The following SLC5A4 variants were observed in gnomAD, a reference collection of about 807,000 sequenced individuals.
SLC5A4 encodes the protein probable glucose sensor protein SLC5A4.
SLC5A4 carries 55 observed loss-of-function variants against 70.3 expected under a neutral mutation model. The ratio of observed to expected loss-of-function variants is 0.78; its 90% CI spans 0.63 to 0.98. The LOEUF (loss-of-function observed/expected upper bound fraction) is 0.98, where lower values mean the gene tolerates loss of function less well. SLC5A4 is among the 50% of genes least tolerant of loss of function. SLC5A4 has a pLI of 0.00. For missense variants in SLC5A4, 735 were observed against 839.2 expected, an observed-to-expected ratio of 0.88 and a Z score of 1.53; for synonymous variants, 268 against 305.7, an observed-to-expected ratio of 0.88 and a Z score of 1.29.
At chr22:32,298,180 C>CT in the SLC5A4 span, among the ~76,000 whole-genome samples, 1 of 147,110 alleles carries the variant, frequency 6.8e-6, no homozygotes, top group Non-Finnish European at 1.5e-5. Flanking sequence ...CCGCTTGGTG[C>CT]AGAGCTGAGT....
the SLC5A4 span, among the ~76,000 whole-genome samples, chr22:32,288,969 G>A: frequency 6.6e-6 from 1 of 151,826 alleles, no homozygotes; most frequent in East Asian, 1.9e-4. Context: ...TTTGTGTCTT[G>A]CTGTACTGCC....
intron 10 of SLC5A4, 121 bp from the exon 11 acceptor site, chr22:32,229,465 A>G: frequency 1.0e-6 from 1 of 970,534 alleles, no homozygotes; most frequent in Non-Finnish European, 1.5e-6. Flanking sequence ...CCTTATCAAT[A>G]CACATCAGCA....
At chr22:32,307,372 T>C in the SLC5A4 span, among the ~76,000 whole-genome samples, 1 of 152,172 alleles carries the variant, frequency 6.6e-6, no homozygotes, top group South Asian at 2.1e-4. Context: ...CCAAGGTCAC[T>C]TTCATGGGTG....
At chr22:32,233,471 AAAG>A (rs1181494769) in intron 8 of SLC5A4, among the ~76,000 whole-genome samples, 1 of 152,166 alleles carries the variant, frequency 6.6e-6, no homozygotes, top group Non-Finnish European at 1.5e-5. Context: ...ATAAACTAAG[AAAG>A]AAGACAATAG....
chr22:32,278,507 T>C, the SLC5A4 span, among the ~76,000 whole-genome samples: 1 of 152,250 alleles, frequency 6.6e-6, no homozygotes, highest in Non-Finnish European at 1.5e-5. Flanking sequence ...CAAGTCAAGC[T>C]GCTGATTTTT....
chr22:32,237,081 G>C lies in SLC5A4; in HGVS notation c.664+163C>G, dbSNP rs62239053. Among the ~76,000 whole-genome samples, 1,356 of 152,236 alleles carry C rather than the reference G, an allele frequency of 8.9e-3. 8 individuals carry two copies. Among genetic ancestry groups the C allele is most frequent in the South Asian group, 0.017 (80 of 4,822 alleles). On this transcript the variant is annotated intron_variant, in intron 7 of 14. Transcript: ENST00000266086. ...TCCTCATGCTGAGCTAATAAAGCAA[G>C]AAAGAAGTCAGGCAGATATTTCAGT... is the stretch of plus-strand genomic sequence containing the variant.
chr22:32,313,895 G>A, the SLC5A4 span, among the ~76,000 whole-genome samples: 1 of 152,226 alleles, frequency 6.6e-6, no homozygotes, highest in African/African-American at 2.4e-5. Flanking sequence ...AAGGCAGGGA[G>A]AAACTGGGTT....
chr22:32,218,636 C>T lies in SLC5A4; in HGVS notation c.1858G>A (p.Glu620Lys). The T allele has an allele frequency of 1.2e-6, 2 of 1,613,962 alleles. No homozygotes were observed. The highest frequency in any genetic ancestry group is 1.7e-6 in the Non-Finnish European group (2 of 1,179,978). ...QKGPKLTKEE[E>K]EALSKKLTDT... ...GTGAGCTTCTTGCTCAAGGCTTCCTCCTCCTCCTTGGTTAGCTTGGGTCCC... is the reference window on the plus strand; with the variant it reads ...GTGAGCTTCTTGCTCAAGGCTTCCTTCTCCTCCTTGGTTAGCTTGGGTCCC... The change falls in exon 15 of 15, where the codon GAG becomes AAG. Residue 620 changes from glutamate to lysine, a missense_variant. Glu to Lys is a moderately conservative substitution (Grantham distance 56). Transcript: ENST00000266086.
the SLC5A4 span, chr22:32,272,737 C>T: frequency 3.9e-6 from 2 of 519,142 alleles, no homozygotes; most frequent in South Asian, 3.5e-5. Flanking sequence ...TTCTATAGGA[C>T]CCTGTGCCAG....
At chr22:32,274,262 G>A in the SLC5A4 span, among the ~76,000 whole-genome samples, 5 of 151,922 alleles carry the variant, frequency 3.3e-5, no homozygotes, top group South Asian at 2.1e-4. Flanking sequence ...GGATGGTCTC[G>A]ATCTCCTGAC....
the SLC5A4 span, among the ~76,000 whole-genome samples, chr22:32,298,929 G>T: frequency 9.5e-6 from 1 of 105,704 alleles, no homozygotes; most frequent in African/African-American, 3.7e-5. Context: ...AGTTTGGCTG[G>T]ATATGAAATT....
chr22:32,267,598 C>G, the SLC5A4 span, among the ~76,000 whole-genome samples: 695 of 152,296 alleles, frequency 4.6e-3, 8 homozygotes, highest in African/African-American at 0.016. Context: ...CCCGACTCAG[C>G]CTCCCAGGGT....
At chr22:32,218,814 A>T in intron 14 of SLC5A4, 89 bp from the exon 15 acceptor site, 1 of 865,810 alleles carries the variant, frequency 1.2e-6, no homozygotes, top group South Asian at 1.7e-5. Context: ...TGACTGTAAA[A>T]AATGATTACA....
In SLC5A4 at chr22:32,235,110, G is replaced by A. The variant is rs1925989206; in HGVS notation, c.665-17C>T. On this transcript the variant is annotated splice_polypyrimidine_tract_variant and intron_variant, in intron 7 of 14. Transcript: ENST00000266086. ...CGTTAAATGCTAAAAAGGCATCAGA[G>A]TAAAATGAGATGTCTTACTGAAATC... 1 of 1,566,216 alleles carries A rather than the reference G, an allele frequency of 6.4e-7. No homozygotes were observed. Among genetic ancestry groups the A allele is most frequent in the African/African-American group, 1.4e-5 (1 of 73,682 alleles).
At position 32,248,746 on chromosome 22, in the gene SLC5A4, C is replaced by A. The variant is rs142645380; in HGVS notation, c.369G>T (p.Ser123=). Residue 123 remains serine (S), a synonymous_variant, in exon 4 of 15, where the codon TCG becomes TCT. Coordinates refer to ENST00000266086, the MANE Select transcript of SLC5A4 (RefSeq NM_014227.3). ...GWIFVPIYIK[S]GVMTMPEYLK... ...CATTTTGGTAACAGATACTCACCCC[C>A]GACTTGATGTAGATAGGGACAAAGA... 1.0e-4 allele frequency: 169 copies of A among 1,610,234 alleles called. 1 individual carries two copies. The highest frequency in any genetic ancestry group is 1.3e-4 in the Non-Finnish European group (157 of 1,176,676).
the SLC5A4 span, among the ~76,000 whole-genome samples, chr22:32,293,782 A>G: frequency 6.6e-6 from 1 of 152,082 alleles, no homozygotes. Context: ...TATATTTTTT[A>G]AAGTTGGGGC....
chr22:32,252,229 CAA>C (rs35272467), intron 2 of SLC5A4, among the ~76,000 whole-genome samples: 19 of 91,314 alleles, frequency 2.1e-4, no homozygotes, highest in Admixed American at 5.1e-4. Flanking sequence ...GACTCTGTCT[CAA>C]AAAAAAAAAA....
At chr22:32,305,752 C>G in the SLC5A4 span, among the ~76,000 whole-genome samples, 1 of 151,242 alleles carries the variant, frequency 6.6e-6, no homozygotes, top group African/African-American at 2.4e-5. Flanking sequence ...GTCCCCTTGC[C>G]TACGAGATGA....
the SLC5A4 span, among the ~76,000 whole-genome samples, chr22:32,348,734 A>G: frequency 6.6e-6 from 1 of 152,110 alleles, no homozygotes; most frequent in East Asian, 1.9e-4. Context: ...GAACTGATCA[A>G]TGTTCCAAAA....
Sources: allele counts gnomAD v4.1 joint callset (sites outside exome capture counted in the v4.1 genomes callset), GRCh38; gene constraint gnomAD v4.1.1; transcripts MANE v1.5; gene names NCBI Gene and HGNC (gene_info 2026-07-23, HGNC 2026-07-21).